Variants in GPC5 observed in about 807,000 individuals in gnomAD.
GPC5 encodes the protein glypican-5.
A neutral mutation model predicts 53.9 loss-of-function variants in GPC5; 47 were observed. The observed-to-expected ratio is 0.87, with a 90% CI of 0.69 to 1.11. The LOEUF (loss-of-function observed/expected upper bound fraction) is 1.11. Ranked by LOEUF, GPC5 falls within the 50% of genes most tolerant of loss-of-function variation. The pLI, the probability that GPC5 is intolerant of heterozygous loss-of-function variation, is 0.00. For synonymous variants in GPC5, 286 were observed against 263.3 expected, an observed-to-expected ratio of 1.09 and a Z score of -0.84; for missense variants, 748 against 713.1, an observed-to-expected ratio of 1.05 and a Z score of -0.56.
chr13:92,116,785 T>A (rs2041605160), intron 6 of GPC5, among the ~76,000 whole-genome samples: 2 of 152,236 alleles, frequency 1.3e-5, no homozygotes, highest in African/African-American at 4.8e-5. Context: ...TTTTAATTTG[T>A]ACTTTCTGAT....
intron 6 of GPC5, among the ~76,000 whole-genome samples, chr13:91,949,748 A>C (rs1483697596): frequency 6.6e-6 from 1 of 152,182 alleles, no homozygotes; most frequent in East Asian, 1.9e-4. Context: ...ATCAGAGGTC[A>C]ACCTAAGGAT....
intron 7 of GPC5, among the ~76,000 whole-genome samples, chr13:92,252,887 G>A (rs555179676): frequency 1.4e-4 from 21 of 152,068 alleles, no homozygotes; most frequent in Non-Finnish European, 2.9e-4. Context: ...CCTGAGTGCT[G>A]CAACAATGCA....
At chr13:92,453,058 C>A (rs1428670054) in intron 7 of GPC5, among the ~76,000 whole-genome samples, 1 of 152,124 alleles carries the variant, frequency 6.6e-6, no homozygotes, top group Non-Finnish European at 1.5e-5. Context: ...GATTGCAATA[C>A]CAACATAATC....
At chr13:91,814,407 T>C (rs1356311181) in intron 5 of GPC5, among the ~76,000 whole-genome samples, 2 of 152,144 alleles carry the variant, frequency 1.3e-5, no homozygotes, top group African/African-American at 2.4e-5. Context: ...TACAACAGCA[T>C]AGTAGGGGAA....
chr13:91,491,873 A>G (rs1883958714), intron 2 of GPC5, among the ~76,000 whole-genome samples: 1 of 151,930 alleles, frequency 6.6e-6, no homozygotes, highest in South Asian at 2.1e-4. Context: ...AGCTGCAAAG[A>G]CTCTTTTTCC....
intron 2 of GPC5, among the ~76,000 whole-genome samples, chr13:91,571,511 G>T (rs1044319391): frequency 5.3e-5 from 8 of 151,788 alleles, no homozygotes; most frequent in Non-Finnish European, 7.4e-5. Flanking sequence ...TTGTGAGTAG[G>T]TCAGGAGTTC....
intron 7 of GPC5, among the ~76,000 whole-genome samples, chr13:92,211,818 G>C (rs1027651949): frequency 6.6e-6 from 1 of 152,156 alleles, no homozygotes; most frequent in South Asian, 2.1e-4. Flanking sequence ...TTTATCTCAT[G>C]GATGTGAGAA....
intron 7 of GPC5, among the ~76,000 whole-genome samples, chr13:92,714,708 A>AT (rs1396152730): frequency 6.6e-6 from 1 of 152,078 alleles, no homozygotes; most frequent in Non-Finnish European, 1.5e-5. Context: ...AAATGTGAAC[A>AT]TTTTTTTCCA....
chr13:91,780,117 C>T (rs779950979), intron 5 of GPC5, among the ~76,000 whole-genome samples: 7 of 152,164 alleles, frequency 4.6e-5, no homozygotes, highest in South Asian at 2.1e-4. Context: ...ATAAAGGCTA[C>T]GGTGTCACTA....
intron 7 of GPC5, among the ~76,000 whole-genome samples, chr13:92,771,649 C>T (rs1319051847): frequency 6.6e-6 from 1 of 152,042 alleles, no homozygotes; most frequent in African/African-American, 2.4e-5. Context: ...CGCCCTTATC[C>T]AGTTTTTCTA....
intron 6 of GPC5, among the ~76,000 whole-genome samples, chr13:92,039,835 A>G (rs997098140): frequency 6.6e-6 from 1 of 152,120 alleles, no homozygotes; most frequent in Non-Finnish European, 1.5e-5. Flanking sequence ...AGGCCAACCC[A>G]TATGAATTCG....
At chr13:91,461,165 A>G (rs541966474) in intron 2 of GPC5, among the ~76,000 whole-genome samples, 1 of 152,314 alleles carries the variant, frequency 6.6e-6, no homozygotes, top group East Asian at 1.9e-4. Flanking sequence ...ATAAACAAAG[A>G]TAATCGAACT....
At chr13:91,894,193 T>A (rs925310898) in intron 5 of GPC5, among the ~76,000 whole-genome samples, 1 of 152,206 alleles carries the variant, frequency 6.6e-6, no homozygotes, top group African/African-American at 2.4e-5. Flanking sequence ...ACTTGCTGGT[T>A]GTCATGGAGC....
chr13:91,637,179 C>G (rs1327772760), intron 2 of GPC5, among the ~76,000 whole-genome samples: 1 of 152,182 alleles, frequency 6.6e-6, no homozygotes, highest in South Asian at 2.1e-4. Context: ...TCATAGGAAA[C>G]CTTCTTACCT....
intron 5 of GPC5, among the ~76,000 whole-genome samples, chr13:91,861,763 T>TAAA (rs2039031859): frequency 3.1e-5 from 3 of 98,080 alleles, no homozygotes; most frequent in Admixed American, 2.2e-4. Context: ...TTGTTTCTCT[T>TAAA]CTCTTATTTT....
chr13:92,114,312 C>A (rs2041583059), intron 6 of GPC5, among the ~76,000 whole-genome samples: 1 of 152,132 alleles, frequency 6.6e-6, no homozygotes, highest in Non-Finnish European at 1.5e-5. Flanking sequence ...CACACACAGG[C>A]ACACACACAT....
At position 91,988,212 on chromosome 13, in the gene GPC5, T is replaced by G. The variant is rs565545372; in HGVS notation, c.1401+80155T>G. ...ATCAAACATTGCTTTTTCTCTGAAA[T>G]AAAGATTACAGAGGCATCAGGTTTT... is the stretch of plus-strand genomic sequence containing the variant. On this transcript the variant is annotated intron_variant, in intron 6 of 7. Coordinates refer to ENST00000377067, the MANE Select transcript of GPC5 (RefSeq NM_004466.6). 6.6e-5 allele frequency among the ~76,000 whole-genome samples: 10 copies of G among 152,126 alleles called. No individual in the cohort carries two copies. The South Asian group carries it at 2.1e-3, about 32-fold the overall frequency.
intron 5 of GPC5, among the ~76,000 whole-genome samples, chr13:91,846,711 T>G (rs927279259): frequency 3.3e-5 from 5 of 152,186 alleles, no homozygotes; most frequent in African/African-American, 1.2e-4. Context: ...TATTTCTCCT[T>G]CAAGCACTCT....
intron 6 of GPC5, among the ~76,000 whole-genome samples, chr13:91,933,301 A>C (rs1354070566): frequency 6.6e-6 from 1 of 151,956 alleles, no homozygotes; most frequent in South Asian, 2.1e-4. Flanking sequence ...TTTTAACATG[A>C]AATCCTTGTA....
Sources: gnomAD v4.1 joint callset for allele counts (sites outside exome capture counted in the v4.1 genomes callset) on GRCh38, gnomAD v4.1.1 for gene constraint, MANE v1.5 for transcripts, NCBI Gene and HGNC (gene_info 2026-07-23, HGNC 2026-07-21) for gene names.